SPATA13: variants seen among roughly 807,000 people sequenced by gnomAD.
SPATA13 encodes the protein spermatogenesis-associated protein 13.
A neutral mutation model predicts 104.0 loss-of-function variants in SPATA13; 50 were observed. The ratio of observed to expected loss-of-function variants is 0.48; its 90% CI spans 0.38 to 0.61. The LOEUF (loss-of-function observed/expected upper bound fraction) is 0.61, where lower values mean the gene tolerates loss of function less well. Among genes scored for constraint, SPATA13 ranks in the 20% least tolerant of loss-of-function variants. The probability of loss-of-function intolerance (pLI) is 0.00; values close to 1 mark genes in which losing one functional copy is unlikely to be tolerated. For synonymous variants in SPATA13, 606 were observed against 667.5 expected (o/e 0.91, Z 1.42); for missense variants, 1,524 against 1,690.6 (o/e 0.90, Z 1.73).
intron 3 of SPATA13, among the ~76,000 whole-genome samples, chr13:24,149,855 A>G (rs1035619229): frequency 6.6e-6 from 1 of 151,952 alleles, no homozygotes; most frequent in African/African-American, 2.4e-5. Context: ...GCCTGACAGG[A>G]GTTGGGGGTG....
chr13:24,094,766 G>A (rs986580439), intron 3 of SPATA13, among the ~76,000 whole-genome samples: 6 of 152,090 alleles, frequency 3.9e-5, no homozygotes, highest in African/African-American at 1.2e-4. Context: ...GCAAGACCCT[G>A]TGTCTAAAAA....
chr13:24,030,128 C>T (rs1412568212), intron 3 of SPATA13, among the ~76,000 whole-genome samples: 1 of 152,020 alleles, frequency 6.6e-6, no homozygotes, highest in East Asian at 1.9e-4. Flanking sequence ...CTATCATCCA[C>T]ATCCCCCACA....
At chr13:24,291,117 G>A (rs1876320616) in intron 9 of SPATA13, among the ~76,000 whole-genome samples, 1 of 152,220 alleles carries the variant, frequency 6.6e-6, no homozygotes, top group Non-Finnish European at 1.5e-5. Context: ...AGGGCCATTC[G>A]TGAGCTGTGC....
At chr13:24,166,852 G>C (rs901677995) in intron 1 of SPATA13, among the ~76,000 whole-genome samples, 5 of 152,194 alleles carry the variant, frequency 3.3e-5, no homozygotes, top group Non-Finnish European at 7.3e-5. Context: ...CACGAGAGGG[G>C]AGCCCTCATG....
At chr13:24,225,457 G>A (rs989097603) in intron 2 of SPATA13, among the ~76,000 whole-genome samples, 1 of 152,212 alleles carries the variant, frequency 6.6e-6, no homozygotes, top group Admixed American at 6.5e-5. Flanking sequence ...AGGGTGTTAC[G>A]GCCTGTCACA....
rs139184522 is a variant in SPATA13, at chr13:24,282,191, G to A, written c.2165-1944G>A. Reference sequence around the variant, plus strand: ...GGGGGGTGGGAGTCTGGGGCTGGACGTGTGTCTGCCGAGCACCTGGCACAT... The same window carrying A: ...GGGGGGTGGGAGTCTGGGGCTGGACATGTGTCTGCCGAGCACCTGGCACAT... On this transcript the variant is annotated intron_variant, in intron 4 of 12. Coordinates refer to ENST00000382108, the MANE Select transcript of SPATA13 (RefSeq NM_001166271.3). 2.0e-3 allele frequency among the ~76,000 whole-genome samples: 301 copies of A among 152,148 alleles called. 1 individual carries two copies. The highest frequency in any genetic ancestry group is 6.9e-3 in the African/African-American group (284 of 41,454).
intron 4 of SPATA13, chr13:24,278,970 T>TTCCCGCCC (rs1875259823): frequency 2.1e-6 from 1 of 474,516 alleles, no homozygotes; most frequent in Non-Finnish European, 3.6e-6. Flanking sequence ...CCTTCCCTCC[T>TTCCCGCCC]TCCCTCCCTC....
chr13:24,264,118 C>G (rs1048130894), intron 4 of SPATA13, among the ~76,000 whole-genome samples: 4 of 152,084 alleles, frequency 2.6e-5, no homozygotes, highest in African/African-American at 4.8e-5. Context: ...TATTTCTTGT[C>G]TCAGAAAAAC....
intron 3 of SPATA13, among the ~76,000 whole-genome samples, chr13:24,049,744 A>T (rs1055244616): frequency 6.6e-5 from 10 of 152,308 alleles, no homozygotes; most frequent in African/African-American, 2.4e-4. Flanking sequence ...TGTGCACCAC[A>T]TGTGTAAATA....
At chr13:24,124,578 A>G (rs941268093) in intron 3 of SPATA13, among the ~76,000 whole-genome samples, 1 of 152,220 alleles carries the variant, frequency 6.6e-6, no homozygotes, top group Non-Finnish European at 1.5e-5. Flanking sequence ...GAATTTAGTC[A>G]TAGTCCATCA....
chr13:24,223,759 T>C lies in SPATA13; in HGVS notation c.830T>C (p.Leu277Pro). 6.4e-7 allele frequency: 1 copy of C among 1,551,870 alleles called. No homozygotes were observed. The highest frequency in any genetic ancestry group is 8.7e-7 in the Non-Finnish European group (1 of 1,147,020). Residue 277 changes from leucine to proline, a missense_variant, in exon 2 of 13, where the codon CTC becomes CCC. Leu to Pro is a moderately conservative substitution (Grantham distance 98). This residue lies in a region of SPATA13 where 1,089 missense variants were observed against 1,135.9 expected (regional missense o/e 0.96). Coordinates refer to ENST00000382108, the MANE Select transcript of SPATA13 (RefSeq NM_001166271.3). ...AAGTCCACCTCCAATCTTGCAGACC[T>C]CAGGACGGCCCATGACGCACGGGTA... is the stretch of plus-strand genomic sequence containing the variant. ...KRKSTSNLAD[L>P]RTAHDARVPQ...
intron 3 of SPATA13, among the ~76,000 whole-genome samples, chr13:24,019,189 C>G (rs1044845020): frequency 1.3e-5 from 2 of 149,050 alleles, no homozygotes; most frequent in Admixed American, 6.7e-5. Flanking sequence ...CCCGGGTTCA[C>G]GCCATTCTCC....
At chr13:24,255,827 C>T (rs1258330356) in intron 4 of SPATA13, among the ~76,000 whole-genome samples, 1 of 152,190 alleles carries the variant, frequency 6.6e-6, no homozygotes, top group African/African-American at 2.4e-5. Flanking sequence ...GCTCAGTAAG[C>T]CCACAAATTG....
rs780111618 is a variant in SPATA13, at chr13:24,284,289, G to A, written c.2301+18G>A. 37 of 1,609,450 alleles carry A rather than the reference G, an allele frequency of 2.3e-5. No individual in the cohort carries two copies. In the South Asian group the frequency reaches 2.6e-4, roughly 11 times the overall value. ...TCAATGAGGTACTGGAATTCCACAC[G>A]ACAGTAGTGGATACGGGATACCTGA... On this transcript the variant is annotated intron_variant, in intron 5 of 12. Coordinates refer to ENST00000382108, the MANE Select transcript of SPATA13 (RefSeq NM_001166271.3).
chr13:24,197,086 G>A (rs9511137), intron 1 of SPATA13, among the ~76,000 whole-genome samples: 71,976 of 151,934 alleles, frequency 0.47, 18,084 homozygotes, highest in Non-Finnish European at 0.56. Flanking sequence ...CACCTGAGAT[G>A]GGTATGATCT....
In SPATA13 at chr13:24,223,427, G is replaced by T; in HGVS notation, c.498G>T (p.Pro166=). 1 of 1,551,028 alleles carries T rather than the reference G, an allele frequency of 6.4e-7. No homozygotes were observed. ...CAAGCAGGGGCTCCCCCTTAGCACCGGGACCAGCATGTGGTGCCCTCAGGC... is the reference window on the plus strand; with the variant it reads ...CAAGCAGGGGCTCCCCCTTAGCACCTGGACCAGCATGTGGTGCCCTCAGGC... ...AQASRGSPLA[P]GPACGALRPA... The change falls in exon 2 of 13, where the codon CCG becomes CCT. Residue 166 remains proline (P), a synonymous_variant. Transcript: ENST00000382108.
intron 3 of SPATA13, among the ~76,000 whole-genome samples, chr13:24,036,878 C>T (rs1400113443): frequency 7.2e-5 from 11 of 151,926 alleles, no homozygotes; most frequent in African/African-American, 4.8e-5. Context: ...TGGGTTCAAG[C>T]GATTCTCCGA....
intron 3 of SPATA13, among the ~76,000 whole-genome samples, chr13:24,130,234 C>T (rs773009888): frequency 6.6e-6 from 1 of 152,172 alleles, no homozygotes; most frequent in Non-Finnish European, 1.5e-5. Flanking sequence ...ACCCTGGAAG[C>T]CAGGGGCTGG....
At chr13:24,139,304 G>GC (rs1329784726) in intron 3 of SPATA13, among the ~76,000 whole-genome samples, 1 of 152,170 alleles carries the variant, frequency 6.6e-6, no homozygotes, top group Non-Finnish European at 1.5e-5. Flanking sequence ...TACATCTGCA[G>GC]GGACCCATTT....
Sources: allele counts gnomAD v4.1 joint callset (sites outside exome capture counted in the v4.1 genomes callset), GRCh38; gene constraint gnomAD v4.1.1; regional missense constraint gnomAD v4.1.1; transcripts MANE v1.5; gene names NCBI Gene and HGNC (gene_info 2026-07-23, HGNC 2026-07-21).